The following ADAMTSL3 variants were observed in gnomAD, a reference collection of about 807,000 sequenced individuals.
ADAMTSL3 encodes ADAMTS-like protein 3.
A neutral mutation model predicts 201.7 loss-of-function variants in ADAMTSL3; 128 were observed. The ratio of observed to expected loss-of-function variants is 0.63; its 90% CI spans 0.55 to 0.73. The LOEUF (loss-of-function observed/expected upper bound fraction) is 0.73. Ranked by LOEUF, ADAMTSL3 falls within the 30% of genes least tolerant of loss-of-function variation. The pLI is 0.00. For synonymous variants in ADAMTSL3, 738 were observed against 748.4 expected, an observed-to-expected ratio of 0.99 and a Z score of 0.23; for missense variants, 1,990 against 2,119.6, an observed-to-expected ratio of 0.94 and a Z score of 1.20.
At chr15:84,006,928 G>A (rs1358452670) in intron 23 of ADAMTSL3, among the ~76,000 whole-genome samples, 1 of 152,172 alleles carries the variant, frequency 6.6e-6, no homozygotes, top group Non-Finnish European at 1.5e-5. Flanking sequence ...GACATGTTGT[G>A]CCAATGGGAG....
At chr15:83,877,660 T>A (rs28728297) in intron 9 of ADAMTSL3, among the ~76,000 whole-genome samples, 42,529 of 152,020 alleles carry the variant, frequency 0.28, 6,654 homozygotes, top group Admixed American at 0.43. Context: ...TTGCATTGGA[T>A]CTGTATGTCA....
intron 8 of ADAMTSL3, among the ~76,000 whole-genome samples, chr15:83,868,026 A>G (rs576503319): frequency 5.3e-5 from 8 of 152,284 alleles, no homozygotes; most frequent in Non-Finnish European, 8.8e-5. Flanking sequence ...TATCTTCCTC[A>G]ACACTTCCCT....
chr15:83,892,796 G>C lies in ADAMTSL3; in HGVS notation c.1375G>C (p.Glu459Gln). The C allele has an allele frequency of 1.2e-6, 2 of 1,614,150 alleles. No homozygotes were observed. The highest frequency in any genetic ancestry group is 1.7e-6 in the Non-Finnish European group (2 of 1,180,016). The change falls in exon 13 of 30, where the codon GAA becomes CAA. Residue 459 changes from glutamate (E) to glutamine (Q), a missense_variant. Glu to Gln is a conservative substitution (Grantham distance 29). Transcript: ENST00000286744. The part of the protein sequence containing the change: ...SMHGEILQVE[E>Q]WKCMYAPKPK... ...GCATGGAGAGATATTGCAGGTGGAA[G>C]AATGGAAGTGCATGTACGCACCCAA...
At chr15:83,768,306 A>G (rs1284418169) in intron 3 of ADAMTSL3, among the ~76,000 whole-genome samples, 1 of 152,184 alleles carries the variant, frequency 6.6e-6, no homozygotes, top group Non-Finnish European at 1.5e-5. Flanking sequence ...AAGTTTAAGA[A>G]ACTCAGAGTC....
intron 3 of ADAMTSL3, chr15:83,717,381 G>A (rs982620655): frequency 1.3e-5 from 2 of 152,210 alleles, no homozygotes; most frequent in Non-Finnish European, 2.9e-5. Flanking sequence ...AACTGTATGA[G>A]ATATGCCCTG....
At chr15:83,799,493 T>A (rs1308508839) in intron 4 of ADAMTSL3, among the ~76,000 whole-genome samples, 1 of 152,132 alleles carries the variant, frequency 6.6e-6, no homozygotes, top group African/African-American at 2.4e-5. Flanking sequence ...CAGGTTTAAG[T>A]TAACTACTAT....
intron 27 of ADAMTSL3, among the ~76,000 whole-genome samples, chr15:84,029,706 A>G (rs900976105): frequency 6.6e-6 from 1 of 152,226 alleles, no homozygotes; most frequent in African/African-American, 2.4e-5. Flanking sequence ...GAGGAGCAAA[A>G]TGCCAATACA....
At chr15:83,716,152 C>A (rs955932595) in intron 3 of ADAMTSL3, among the ~76,000 whole-genome samples, 1 of 152,142 alleles carries the variant, frequency 6.6e-6, no homozygotes, top group East Asian at 1.9e-4. Flanking sequence ...CCAGGAGTGA[C>A]AAGACTTGAA....
intron 4 of ADAMTSL3, among the ~76,000 whole-genome samples, chr15:83,776,316 G>A (rs1380933935): frequency 1.3e-5 from 2 of 152,190 alleles, no homozygotes; most frequent in Non-Finnish European, 2.9e-5. Context: ...CTTGATGTGG[G>A]TAAGGAGTTT....
intron 2 of ADAMTSL3, among the ~76,000 whole-genome samples, chr15:83,665,014 G>A (rs188285839): frequency 2.6e-5 from 4 of 152,216 alleles, no homozygotes; most frequent in African/African-American, 7.2e-5. Context: ...TGGAGGCACC[G>A]TTGCGACACC....
In ADAMTSL3 at chr15:83,982,609, A is replaced by T; in HGVS notation, c.2981A>T (p.Lys994Met). 6.2e-7 allele frequency: 1 copy of T among 1,614,200 alleles called. No individual in the cohort carries two copies. Among genetic ancestry groups the T allele is most frequent in the South Asian group, 1.1e-5 (1 of 91,084 alleles). Residue 994 changes from lysine (K) to methionine (M), a missense_variant, in exon 21 of 30, where the codon AAG becomes ATG. Coordinates refer to ENST00000286744, the MANE Select transcript of ADAMTSL3 (RefSeq NM_207517.3). ...TCTGCACAGGAAACAGTTGTGCTCA[A>T]GCTCATTGGTACTGACAACCGGCTC... ...AGSAQETVVL[K>M]LIGTDNRLIA... is the part of the protein sequence containing the mutation.
At chr15:83,790,593 C>G (rs1274820681) in intron 4 of ADAMTSL3, among the ~76,000 whole-genome samples, 3 of 151,900 alleles carry the variant, frequency 2.0e-5, no homozygotes, top group African/African-American at 4.8e-5. Flanking sequence ...ATTTAAGAAC[C>G]TTTAACTAAT....
At chr15:83,965,136 A>G (rs1596473802) in intron 19 of ADAMTSL3, among the ~76,000 whole-genome samples, 1 of 152,286 alleles carries the variant, frequency 6.6e-6, no homozygotes, top group South Asian at 2.1e-4. Context: ...ATAACCAGCT[A>G]GCATCATCAT....
intron 4 of ADAMTSL3, among the ~76,000 whole-genome samples, chr15:83,776,450 G>T (rs1389321278): frequency 6.6e-6 from 1 of 152,206 alleles, no homozygotes; most frequent in African/African-American, 2.4e-5. Flanking sequence ...AGGCACAGTG[G>T]CTCACGCCTG....
intron 11 of ADAMTSL3, chr15:83,891,125 G>A: frequency 1.9e-6 from 1 of 519,382 alleles, no homozygotes; most frequent in South Asian, 2.8e-5. Context: ...TTTTCAAATA[G>A]AACTGGGGAA....
Position 83,937,250 on chromosome 15 carries a change from A to T in ADAMTSL3, c.2118-5346A>T, listed in dbSNP as rs987798870. ...CACTATTCACAATAGCAAAGACATG[A>T]AATCAATGTAAATACGCATCAACAG... On this transcript the variant is annotated intron_variant, in intron 17 of 29. Transcript: ENST00000286744. Among the ~76,000 whole-genome samples, 58 of 151,032 alleles carry T rather than the reference A, an allele frequency of 3.8e-4. 5 individuals carry two copies. The highest frequency in any genetic ancestry group is 1.4e-3 in the African/African-American group (55 of 40,376).
rs371431286 is a variant in ADAMTSL3 at position 83,770,373 on chromosome 15, A to G, written c.190-3150A>G. 1.1e-4 allele frequency among the ~76,000 whole-genome samples: 17 copies of G among 152,346 alleles called. No individual in the cohort carries two copies. The East Asian group carries it at 2.7e-3, about 24-fold the overall frequency. ...TGAAGTTCATTTCCTGTCTTTTCCC[A>G]ACAACATTCGTTCCTAGTCCTACTT... On this transcript the variant is annotated intron_variant, in intron 3 of 29. Coordinates refer to ENST00000286744, the MANE Select transcript of ADAMTSL3 (RefSeq NM_207517.3).
chr15:83,889,639 C>T (rs909602959), intron 10 of ADAMTSL3, among the ~76,000 whole-genome samples: 26 of 151,914 alleles, frequency 1.7e-4, no homozygotes, highest in Admixed American at 1.5e-3. Flanking sequence ...AGAGATTATA[C>T]GGAAATGAGA....
At chr15:83,712,340 CA>C (rs1468051831) in intron 3 of ADAMTSL3, among the ~76,000 whole-genome samples, 6 of 152,226 alleles carry the variant, frequency 3.9e-5, no homozygotes, top group African/African-American at 1.4e-4. Flanking sequence ...CTTTCTGCTG[CA>C]ACTGAAAACT....
Sources: gnomAD v4.1 joint callset for allele counts (sites outside exome capture counted in the v4.1 genomes callset) on GRCh38, gnomAD v4.1.1 for gene constraint, MANE v1.5 for transcripts, NCBI Gene and HGNC (gene_info 2026-07-23, HGNC 2026-07-21) for gene names.